The following ALCAM variants were observed in gnomAD, a reference collection of about 807,000 sequenced individuals.
ALCAM encodes the protein activated leukocyte cell adhesion molecule.
ALCAM carries 30 observed loss-of-function variants against 70.9 expected under a neutral mutation model. The observed-to-expected ratio is 0.42, with a 90% CI of 0.32 to 0.57. ALCAM has a LOEUF of 0.57. Ranked by LOEUF, ALCAM falls within the 20% of genes least tolerant of loss-of-function variation. ALCAM has a pLI of 0.11. For missense variants in ALCAM, 591 were observed against 695.1 expected (o/e 0.85, Z 1.68); for synonymous variants, 249 against 242.5 (o/e 1.03, Z -0.25).
rs983917188 is a variant in ALCAM at position 105,559,502 on chromosome 3, T to C, written c.1664+6917T>C. Among the ~76,000 whole-genome samples the C allele has an allele frequency of 5.3e-5, 8 of 152,072 alleles. 1 individual carries two copies. In the East Asian group the frequency reaches 1.5e-3, roughly 29 times the overall value. On this transcript the variant is annotated intron_variant, in intron 14 of 15. Transcript: ENST00000306107. ...GGTGCCTTCTTGCTGTAACTTCACA[T>C]GATGGCAGGAGGCAAGAGAGCTCTC...
intron 1 of ALCAM, among the ~76,000 whole-genome samples, chr3:105,515,680 A>C (rs115590159): frequency 0.015 from 2,286 of 152,134 alleles, 26 homozygotes; most frequent in Middle Eastern, 0.037. Context: ...ATACACAGCA[A>C]AGCACTCTCA....
At chr3:105,375,845 G>A (rs1337577523) in intron 1 of ALCAM, among the ~76,000 whole-genome samples, 1 of 152,130 alleles carries the variant, frequency 6.6e-6, no homozygotes, top group African/African-American at 2.4e-5. Context: ...GCGACCTGAT[G>A]TGGCCACCAA....
chr3:105,392,415 A>G (rs547009137), intron 1 of ALCAM, among the ~76,000 whole-genome samples: 1 of 150,928 alleles, frequency 6.6e-6, no homozygotes, highest in South Asian at 2.1e-4. Context: ...TTCAGTGGTG[A>G]TATCTCCTTT....
At chr3:105,463,689 T>C (rs10511244) in intron 1 of ALCAM, among the ~76,000 whole-genome samples, 28,171 of 151,308 alleles carry the variant, frequency 0.19, 2,804 homozygotes, top group East Asian at 0.37. Flanking sequence ...TGTCGACTTT[T>C]GGAGGTAACA....
At chr3:105,405,617 A>T (rs1416821536) in intron 1 of ALCAM, among the ~76,000 whole-genome samples, 1 of 152,228 alleles carries the variant, frequency 6.6e-6, no homozygotes. Flanking sequence ...ATTCATCAGC[A>T]CATGGAACAT....
chr3:105,441,257 G>A (rs927995416), intron 1 of ALCAM, among the ~76,000 whole-genome samples: 5 of 151,684 alleles, frequency 3.3e-5, no homozygotes, highest in African/African-American at 1.2e-4. Flanking sequence ...TCAGGTAATT[G>A]ATTCAGTTTT....
At chr3:105,490,645 C>T (rs55706244) in intron 1 of ALCAM, among the ~76,000 whole-genome samples, 2,000 of 152,214 alleles carry the variant, frequency 0.013, 34 homozygotes, top group African/African-American at 0.044. Flanking sequence ...CATTCTCTTG[C>T]CCCATGCAAG....
chr3:105,542,401 A>G (rs1940143232), intron 8 of ALCAM, among the ~76,000 whole-genome samples: 1 of 151,854 alleles, frequency 6.6e-6, no homozygotes, highest in Non-Finnish European at 1.5e-5. Context: ...ACATGTAAAT[A>G]CCAGACATTT....
chr3:105,513,513 AC>A (rs1249585251), intron 1 of ALCAM, among the ~76,000 whole-genome samples: 1 of 151,876 alleles, frequency 6.6e-6, no homozygotes, highest in Non-Finnish European at 1.5e-5. Context: ...CCCTCTCACT[AC>A]CCTGTAGCTG....
chr3:105,471,137 G>T (rs767031364), intron 1 of ALCAM, among the ~76,000 whole-genome samples: 3 of 151,294 alleles, frequency 2.0e-5, no homozygotes, highest in Non-Finnish European at 4.4e-5. Context: ...CAACTTATTG[G>T]TTTATCGTCA....
chr3:105,402,662 A>G (rs1339971978), intron 1 of ALCAM, among the ~76,000 whole-genome samples: 1 of 152,094 alleles, frequency 6.6e-6, no homozygotes, highest in African/African-American at 2.4e-5. Context: ...AGAGGCAGCC[A>G]TAATCCCCCT....
chr3:105,399,395 A>G (rs1201191659), intron 1 of ALCAM, among the ~76,000 whole-genome samples: 1 of 152,128 alleles, frequency 6.6e-6, no homozygotes, highest in East Asian at 1.9e-4. Flanking sequence ...GAAAGTATAA[A>G]TCAAAATGTC....
chr3:105,464,309 CCAAA>C (rs1438332727), intron 1 of ALCAM, among the ~76,000 whole-genome samples: 1 of 150,668 alleles, frequency 6.6e-6, no homozygotes, highest in Admixed American at 6.6e-5. Flanking sequence ...ATCCTGGTTC[CCAAA>C]CAGATAAAAT....
At chr3:105,423,584 CTGTT>C (rs1029752912) in intron 1 of ALCAM, among the ~76,000 whole-genome samples, 1 of 150,486 alleles carries the variant, frequency 6.6e-6, no homozygotes, top group African/African-American at 2.4e-5. Context: ...CTCCAGGACT[CTGTT>C]TGTTTCTTTA....
intron 1 of ALCAM, among the ~76,000 whole-genome samples, chr3:105,397,970 A>G (rs1405734934): frequency 1.3e-5 from 2 of 152,100 alleles, no homozygotes; most frequent in Non-Finnish European, 1.5e-5. Context: ...CTAGGGATGC[A>G]GTGATAAAGA....
chr3:105,442,642 G>T (rs1399157031), intron 1 of ALCAM, among the ~76,000 whole-genome samples: 1 of 151,938 alleles, frequency 6.6e-6, no homozygotes, highest in South Asian at 2.1e-4. Context: ...TTAGGCGGGC[G>T]TGGTGGCGGG....
intron 3 of ALCAM, among the ~76,000 whole-genome samples, chr3:105,531,714 C>A (rs1429104832): frequency 6.6e-6 from 1 of 151,856 alleles, no homozygotes; most frequent in Non-Finnish European, 1.5e-5. Context: ...GACATTAGCC[C>A]CTGTTTCACT....
chr3:105,545,448 GCT>G (rs372671937), intron 9 of ALCAM, 113 bp downstream of exon 9: 12,335 of 590,188 alleles, frequency 0.021, no homozygotes, highest in South Asian at 0.03. Flanking sequence ...TTATATACCA[GCT>G]CTCTCTCTCT....
chr3:105,472,469 T>C (rs1576185994), intron 1 of ALCAM, among the ~76,000 whole-genome samples: 1 of 151,546 alleles, frequency 6.6e-6, no homozygotes, highest in African/African-American at 2.4e-5. Flanking sequence ...GGTTATCATT[T>C]CTGCTGTGAA....
Sources: allele counts gnomAD v4.1 joint callset (sites outside exome capture counted in the v4.1 genomes callset), GRCh38; gene constraint gnomAD v4.1.1; transcripts MANE v1.5; gene names NCBI Gene and HGNC (gene_info 2026-07-23, HGNC 2026-07-21).